Variants in PTPRG observed in about 807,000 individuals in gnomAD.
The protein encoded by PTPRG is receptor-type tyrosine-protein phosphatase gamma.
Under a neutral mutation model 165.3 loss-of-function variants are expected in PTPRG, and 102 were observed. That is an observed-to-expected ratio of 0.62 (90% CI 0.53 to 0.73). The LOEUF (loss-of-function observed/expected upper bound fraction) is 0.73. PTPRG is among the 30% of genes least tolerant of loss of function. The pLI is 0.00. For missense variants in PTPRG, 1,866 were observed against 1,861.4 expected (o/e 1.00, Z -0.05); for synonymous variants, 675 against 669.5 (o/e 1.01, Z -0.13).
intron 5 of PTPRG, among the ~76,000 whole-genome samples, chr3:62,108,023 C>A (rs1369563342): frequency 6.6e-6 from 1 of 151,578 alleles, no homozygotes; most frequent in Admixed American, 6.6e-5. Context: ...GGTGTAGAAC[C>A]CTGGAAACAT....
chr3:61,817,202 TAATATA>T (rs2035811471), intron 2 of PTPRG, among the ~76,000 whole-genome samples: 2 of 137,616 alleles, frequency 1.5e-5, no homozygotes, highest in African/African-American at 5.4e-5. Context: ...ATATATATAA[TAATATA>T]ATAATATATA....
At chr3:61,956,310 G>A (rs2040029272) in intron 2 of PTPRG, among the ~76,000 whole-genome samples, 1 of 147,622 alleles carries the variant, frequency 6.8e-6, no homozygotes, top group African/African-American at 2.5e-5. Context: ...ACACACACAC[G>A]CTTACTACAT....
chr3:61,973,976 G>T (rs757298877), intron 2 of PTPRG, among the ~76,000 whole-genome samples: 1 of 151,834 alleles, frequency 6.6e-6, no homozygotes, highest in Non-Finnish European at 1.5e-5. Context: ...TACTGTCAGA[G>T]ATTTTTTTTT....
chr3:61,854,231 T>C (rs2037041735), intron 2 of PTPRG, among the ~76,000 whole-genome samples: 1 of 152,138 alleles, frequency 6.6e-6, no homozygotes, highest in African/African-American at 2.4e-5. Context: ...TCCTTGCCCT[T>C]TGGTTTTCTT....
intron 1 of PTPRG, among the ~76,000 whole-genome samples, chr3:61,676,337 A>G (rs1814927): frequency 0.99 from 149,593 of 150,998 alleles, 74,126 homozygotes; most frequent in East Asian, 1. Flanking sequence ...GGCACGTGAA[A>G]TCCCAGCTAC....
intron 1 of PTPRG, among the ~76,000 whole-genome samples, chr3:61,727,749 A>C (rs898645428): frequency 1.3e-5 from 2 of 152,238 alleles, no homozygotes; most frequent in Admixed American, 6.5e-5. Flanking sequence ...CAGTAATATC[A>C]AGTCAAACAA....
intron 2 of PTPRG, among the ~76,000 whole-genome samples, chr3:61,970,578 A>G (rs1215082012): frequency 3.9e-5 from 6 of 152,242 alleles, no homozygotes; most frequent in Admixed American, 1.3e-4. Context: ...CAAGGGGAAG[A>G]AACTCTTTGG....
chr3:61,739,251 C>A (rs1049350199), intron 1 of PTPRG: 2 of 151,904 alleles, frequency 1.3e-5, no homozygotes, highest in African/African-American at 4.8e-5. Flanking sequence ...TAGACAATAA[C>A]CAAAGTTTGT....
chr3:62,002,152 G>C (rs1432085880), intron 3 of PTPRG, among the ~76,000 whole-genome samples: 1 of 152,150 alleles, frequency 6.6e-6, no homozygotes. Flanking sequence ...TCCTTCACTT[G>C]CTTTTAATGC....
chr3:62,268,421 A>G (rs1300766227), intron 19 of PTPRG, among the ~76,000 whole-genome samples: 2 of 152,142 alleles, frequency 1.3e-5, no homozygotes, highest in Non-Finnish European at 2.9e-5. Context: ...AGGTGCATCA[A>G]ACCACTATGG....
At chr3:62,134,598 A>T (rs1474097804) in intron 6 of PTPRG, among the ~76,000 whole-genome samples, 1 of 152,110 alleles carries the variant, frequency 6.6e-6, no homozygotes, top group Non-Finnish European at 1.5e-5. Context: ...CAAATTATTC[A>T]TCCCACCCTA....
intron 4 of PTPRG, among the ~76,000 whole-genome samples, chr3:62,056,171 C>T (rs1700628241): frequency 6.6e-6 from 1 of 152,182 alleles, no homozygotes; most frequent in Non-Finnish European, 1.5e-5. Context: ...AACATCCCAT[C>T]CAGACAGGAT....
chr3:62,278,049 CTG>C (rs1265124638), intron 26 of PTPRG, among the ~76,000 whole-genome samples: 2 of 152,136 alleles, frequency 1.3e-5, no homozygotes, highest in East Asian at 1.9e-4. Context: ...GAGTATGTAA[CTG>C]TGTTTACATG....
At chr3:61,771,032 T>G (rs765475100) in intron 2 of PTPRG, 6 of 152,230 alleles carry the variant, frequency 3.9e-5, no homozygotes, top group Non-Finnish European at 8.8e-5. Flanking sequence ...TCTCACCATT[T>G]GCCTTGGCCT....
At position 61,961,635 on chromosome 3, in the gene PTPRG, C is replaced by A. The variant is rs549049412; in HGVS notation, c.191-27990C>A. Among the ~76,000 whole-genome samples, 29 of 152,204 alleles carry A rather than the reference C, an allele frequency of 1.9e-4. No homozygotes were observed. In the South Asian group the frequency reaches 6.0e-3, roughly 32 times the overall value. On this transcript the variant is annotated intron_variant, in intron 2 of 29. Coordinates refer to ENST00000474889, the MANE Select transcript of PTPRG (RefSeq NM_002841.4). ...AAAATAGAAACAGACTGAGAAAATC[C>A]AGCCATGCTTGAAAAATCTTAAGGT... is the stretch of plus-strand genomic sequence containing the variant.
intron 1 of PTPRG, among the ~76,000 whole-genome samples, chr3:61,642,527 C>T (rs574192922): frequency 2.6e-5 from 4 of 152,164 alleles, no homozygotes; most frequent in South Asian, 2.1e-4. Flanking sequence ...GCATTTTGCC[C>T]CTGGCACCGC....
intron 1 of PTPRG, among the ~76,000 whole-genome samples, chr3:61,588,068 C>G (rs144173013): frequency 6.6e-4 from 100 of 152,132 alleles, no homozygotes; most frequent in African/African-American, 1.9e-3. Flanking sequence ...TAGGAACTTT[C>G]TCTTTCATGA....
chr3:61,647,246 T>C (rs1416611183), intron 1 of PTPRG, among the ~76,000 whole-genome samples: 4 of 152,216 alleles, frequency 2.6e-5, no homozygotes, highest in Non-Finnish European at 4.4e-5. Flanking sequence ...CAGCTCTTCC[T>C]GTCTTTCATT....
intron 2 of PTPRG, among the ~76,000 whole-genome samples, chr3:61,924,238 A>AC (rs2039151471): frequency 6.6e-6 from 1 of 152,168 alleles, no homozygotes; most frequent in African/African-American, 2.4e-5. Context: ...TGGTCCTGTG[A>AC]CCATGCAGAT....
Sources: gnomAD v4.1 joint callset for allele counts (sites outside exome capture counted in the v4.1 genomes callset) on GRCh38, gnomAD v4.1.1 for gene constraint, MANE v1.5 for transcripts, NCBI Gene and HGNC (gene_info 2026-07-23, HGNC 2026-07-21) for gene names.